Variants in SNTG1 observed in about 807,000 individuals in gnomAD.
The protein encoded by SNTG1 is syntrophin gamma 1, also known as gamma-1-syntrophin.
In SNTG1, 39 loss-of-function variants were observed where a neutral mutation model predicts 74.7. That is an observed-to-expected ratio of 0.52 (90% CI 0.40 to 0.68). The LOEUF is 0.68. Among genes scored for constraint, SNTG1 ranks in the 30% least tolerant of loss-of-function variants. SNTG1 has a pLI of 0.00. For synonymous variants in SNTG1, 254 were observed against 217.1 expected, an observed-to-expected ratio of 1.17 and a Z score of -1.49; for missense variants, 685 against 609.5, an observed-to-expected ratio of 1.12 and a Z score of -1.30.
At chr8:50,347,196 C>T (rs1316985717) in intron 2 of SNTG1, among the ~76,000 whole-genome samples, 1 of 152,178 alleles carries the variant, frequency 6.6e-6, no homozygotes, top group Non-Finnish European at 1.5e-5. Context: ...GCTAATGCAG[C>T]TTGTGACTTC....
intron 9 of SNTG1, among the ~76,000 whole-genome samples, chr8:50,513,610 C>G (rs548239186): frequency 2.6e-5 from 4 of 152,336 alleles, no homozygotes; most frequent in African/African-American, 9.6e-5. Flanking sequence ...CAAGCCTTGG[C>G]AATGGCGGAT....
intron 4 of SNTG1, 138 bp downstream of exon 4, chr8:50,402,482 T>C: frequency 9.3e-7 from 1 of 1,072,380 alleles, no homozygotes; most frequent in Non-Finnish European, 1.3e-6. Context: ...GCTTACATCA[T>C]TAAGTAATCA....
intron 2 of SNTG1, among the ~76,000 whole-genome samples, chr8:50,246,924 C>G (rs976768597): frequency 6.6e-6 from 1 of 152,168 alleles, no homozygotes; most frequent in Non-Finnish European, 1.5e-5. Flanking sequence ...TGTTACAATT[C>G]TTTAAGCAAA....
chr8:49,979,600 G>A (rs1355540569), intron 1 of SNTG1, among the ~76,000 whole-genome samples: 2 of 152,128 alleles, frequency 1.3e-5, no homozygotes, highest in African/African-American at 2.4e-5. Context: ...GGCTTGGTCT[G>A]ACTGGGGACT....
chr8:50,642,015 A>G (rs939427866), intron 13 of SNTG1, among the ~76,000 whole-genome samples: 2 of 152,108 alleles, frequency 1.3e-5, no homozygotes, highest in African/African-American at 4.8e-5. Context: ...ATTTCTTCGT[A>G]TTTTCTATTT....
chr8:50,514,633 T>C lies in SNTG1; in HGVS notation c.466+11753T>C, dbSNP rs118073411. Among the ~76,000 whole-genome samples the C allele has an allele frequency of 7.1e-3, 1,086 of 152,330 alleles. 7 individuals carry two copies. Among genetic ancestry groups the C allele is most frequent in the Middle Eastern group, 0.027 (8 of 294 alleles). On this transcript the variant is annotated intron_variant, in intron 9 of 18. Coordinates refer to ENST00000642720, the MANE Select transcript of SNTG1 (RefSeq NM_018967.5). ...ATCTTCTTAAATTTAATAAGATTTG[T>C]TTTGTGACCACATATGTAAACTATT...
intron 13 of SNTG1, among the ~76,000 whole-genome samples, chr8:50,629,702 C>G (rs111877978): frequency 0.038 from 5,739 of 152,134 alleles, 182 homozygotes; most frequent in African/African-American, 0.076. Flanking sequence ...CTTGTTACAC[C>G]TCTGTAAGAT....
intron 4 of SNTG1, among the ~76,000 whole-genome samples, chr8:50,405,324 T>C (rs1040761360): frequency 7.2e-5 from 11 of 152,124 alleles, no homozygotes; most frequent in Non-Finnish European, 1.5e-4. Context: ...GTTTTCTGTG[T>C]TTTTGATAAT....
Position 50,762,279 on chromosome 8 carries a change from T to G in SNTG1, c.1395+10168T>G, listed in dbSNP as rs16922661. 9.5e-3 allele frequency among the ~76,000 whole-genome samples: 1,443 copies of G among 152,110 alleles called. 26 individuals are homozygous for G. Among genetic ancestry groups the G allele is most frequent in the African/African-American group, 0.033 (1,373 of 41,546 alleles). On this transcript the variant is annotated intron_variant, in intron 18 of 18. Coordinates refer to ENST00000642720, the MANE Select transcript of SNTG1 (RefSeq NM_018967.5). ...TAGAAGGGGTGAATAGCGATAGCAT[T>G]TACTGAATTGGAATTACTATTAAAA... is the stretch of plus-strand genomic sequence containing the variant.
At chr8:50,267,061 A>G (rs1410960492) in intron 2 of SNTG1, among the ~76,000 whole-genome samples, 1 of 152,120 alleles carries the variant, frequency 6.6e-6, no homozygotes, top group Non-Finnish European at 1.5e-5. Flanking sequence ...TTAAATTCTT[A>G]AAAATGATAA....
At chr8:50,671,319 T>A (rs1449754382) in intron 15 of SNTG1, among the ~76,000 whole-genome samples, 38 of 149,966 alleles carry the variant, frequency 2.5e-4, no homozygotes, top group Admixed American at 3.3e-4. Flanking sequence ...ATATCCAGAA[T>A]CTACAATGAA....
At chr8:50,167,205 T>G (rs1343299256) in intron 1 of SNTG1, among the ~76,000 whole-genome samples, 8 of 145,156 alleles carry the variant, frequency 5.5e-5, no homozygotes, top group Non-Finnish European at 1.2e-4. Flanking sequence ...CACACCAGCA[T>G]GGCACATGTA....
Position 50,144,683 on chromosome 8 carries a change from A to C in SNTG1, c.-102-27878A>C, listed in dbSNP as rs778867167. ...TTCCATTTGCACTGCAGGGACCAGC[A>C]GGTAAGAATGAGTGGCAGGCGACTG... On this transcript the variant is annotated intron_variant, in intron 1 of 18. Coordinates refer to ENST00000642720, the MANE Select transcript of SNTG1 (RefSeq NM_018967.5). Among the ~76,000 whole-genome samples, 14 of 152,302 alleles carry C rather than the reference A, an allele frequency of 9.2e-5. No individual in the cohort carries two copies. The Middle Eastern group carries it at 0.014, about 148-fold the overall frequency.
intron 8 of SNTG1, among the ~76,000 whole-genome samples, chr8:50,500,658 G>T (rs1585478025): frequency 6.6e-6 from 1 of 152,038 alleles, no homozygotes; most frequent in South Asian, 2.1e-4. Context: ...TCTTACTTGA[G>T]ATTTCTTTTT....
chr8:50,401,725 A>C lies in SNTG1; in HGVS notation c.28-485A>C, dbSNP rs557257697. Among the ~76,000 whole-genome samples the C allele has an allele frequency of 1.1e-4, 16 of 152,180 alleles. No individual in the cohort carries two copies. The South Asian group carries it at 3.3e-3, about 32-fold the overall frequency. On this transcript the variant is annotated intron_variant, in intron 3 of 18. Transcript: ENST00000642720. ...GTAGGCTGGGGCAGTGGGAGGGGAA[A>C]TGGAGAAATAGGAGTGTGTTCCTTC...
At chr8:50,180,837 T>C (rs2083179169) in intron 2 of SNTG1, among the ~76,000 whole-genome samples, 1 of 139,870 alleles carries the variant, frequency 7.1e-6, no homozygotes, top group African/African-American at 2.7e-5. Flanking sequence ...CTCGGCTCAC[T>C]GCAACCTCCA....
chr8:50,259,542 AAGAAAGAAAGAAAGAAAGAAAGAAAG>A, intron 2 of SNTG1, among the ~76,000 whole-genome samples: 1 of 40,728 alleles, frequency 2.5e-5, no homozygotes, highest in Non-Finnish European at 1.0e-4. Flanking sequence ...GAAAGAAAGA[AAGAAAGAAAGAAAGAAAGAAAGAAAG>A]AAAGAGAAAA....
intron 4 of SNTG1, among the ~76,000 whole-genome samples, chr8:50,416,627 G>T (rs1442093545): frequency 6.6e-6 from 1 of 152,094 alleles, no homozygotes; most frequent in Admixed American, 6.6e-5. Flanking sequence ...GTAATTTACA[G>T]AATATTTTAG....
At chr8:50,758,763 A>G (rs543536830) in intron 18 of SNTG1, among the ~76,000 whole-genome samples, 3 of 152,052 alleles carry the variant, frequency 2.0e-5, no homozygotes, top group Non-Finnish European at 4.4e-5. Context: ...TGCTATTGTG[A>G]ACAGTGCAGC....
Sources: gnomAD v4.1 joint callset for allele counts (sites outside exome capture counted in the v4.1 genomes callset) on GRCh38, gnomAD v4.1.1 for gene constraint, MANE v1.5 for transcripts, NCBI Gene and HGNC (gene_info 2026-07-23, HGNC 2026-07-21) for gene names.